The following STAT4 variants were observed in gnomAD, a reference collection of about 807,000 sequenced individuals.
STAT4 encodes the protein signal transducer and activator of transcription 4.
In STAT4, 42 loss-of-function variants were observed where a neutral mutation model predicts 110.5. That is an observed-to-expected ratio of 0.38 (90% CI 0.30 to 0.49). The LOEUF (loss-of-function observed/expected upper bound fraction) is 0.49. Among genes scored for constraint, STAT4 ranks in the 20% least tolerant of loss-of-function variants. The pLI, the probability that STAT4 is intolerant of heterozygous loss-of-function variation, is 0.95. For synonymous variants in STAT4, 284 were observed against 302.2 expected (o/e 0.94, Z 0.63); for missense variants, 632 against 887.9 (o/e 0.71, Z 3.66).
intron 3 of STAT4, among the ~76,000 whole-genome samples, chr2:191,134,999 C>T (rs915360689): frequency 6.7e-6 from 1 of 150,274 alleles, no homozygotes; most frequent in African/African-American, 2.5e-5. Context: ...TCATGCACCT[C>T]AAGTAACTAG....
chr2:191,119,602 C>T (rs187849667), intron 3 of STAT4, among the ~76,000 whole-genome samples: 1 of 151,908 alleles, frequency 6.6e-6, no homozygotes, highest in Non-Finnish European at 1.5e-5. Context: ...ATTTTTTCCC[C>T]AAAATTATCT....
At position 191,043,148 on chromosome 2, in the gene STAT4, G is replaced by C. The variant is rs1008666258; in HGVS notation, c.1252-2000C>G. On this transcript the variant is annotated intron_variant, in intron 14 of 23. Coordinates refer to ENST00000392320, the MANE Select transcript of STAT4 (RefSeq NM_003151.4). This position sits in a 1 kb window ranked among gnomAD's most constrained non-coding sequence, Gnocchi z 4.8. ...CTTTTTAAAAACTATATAAAACAAAGATTACATCAGTGTAACAAGAATAGA... is the reference window on the plus strand; with the variant it reads ...CTTTTTAAAAACTATATAAAACAAACATTACATCAGTGTAACAAGAATAGA... 6.6e-6 allele frequency among the ~76,000 whole-genome samples: 1 copy of C among 152,112 alleles called. No homozygotes were observed. The highest frequency in any genetic ancestry group is 6.5e-5 in the Admixed American group (1 of 15,272).
intron 16 of STAT4, among the ~76,000 whole-genome samples, chr2:191,038,842 A>T (rs1255451027): frequency 6.6e-6 from 1 of 152,214 alleles, no homozygotes; most frequent in Non-Finnish European, 1.5e-5. Context: ...AAGAGACTGC[A>T]TGGACAAGGT....
intron 14 of STAT4, among the ~76,000 whole-genome samples, chr2:191,054,193 A>G (rs2125205914): frequency 7.5e-6 from 1 of 132,920 alleles, no homozygotes; most frequent in East Asian, 2.3e-4. Context: ...GCTATGAAGC[A>G]ATGAGTATCA....
Position 191,042,768 on chromosome 2 carries a change from G to A in STAT4, c.1252-1620C>T, listed in dbSNP as rs149625692. Among the ~76,000 whole-genome samples, 515 of 148,310 alleles carry A rather than the reference G, an allele frequency of 3.5e-3. No homozygotes were observed. The highest frequency in any genetic ancestry group is 6.9e-3 in the Middle Eastern group (2 of 290). ...TAGGTGATGCTTAAATTCATTCATTGTATTCTCTCTTTTTTTTTTTTCTTT... is the reference window on the plus strand; with the variant it reads ...TAGGTGATGCTTAAATTCATTCATTATATTCTCTCTTTTTTTTTTTTCTTT... On this transcript the variant is annotated intron_variant, in intron 14 of 23. Coordinates refer to ENST00000392320, the MANE Select transcript of STAT4 (RefSeq NM_003151.4). This position sits in a 1 kb window ranked among gnomAD's most constrained non-coding sequence, Gnocchi z 4.2.
intron 3 of STAT4, among the ~76,000 whole-genome samples, chr2:191,132,778 G>A (rs1202389930): frequency 2.8e-5 from 4 of 144,412 alleles, no homozygotes; most frequent in Admixed American, 6.9e-5. Context: ...TTTTGGAGAC[G>A]GAGTCTCGCT....
At position 191,090,466 on chromosome 2, in the gene STAT4, A is replaced by T. The variant is rs147528637; in HGVS notation, c.274-14141T>A. 5.3e-5 allele frequency among the ~76,000 whole-genome samples: 5 copies of T among 93,936 alleles called. No individual in the cohort carries two copies. Among genetic ancestry groups the T allele is most frequent in the Admixed American group, 1.4e-4 (1 of 7,368 alleles). The allele number at this position is 93,936 out of a possible 152,430, so 61.6% of individuals were successfully genotyped here. On this transcript the variant is annotated intron_variant, in intron 3 of 23. Coordinates refer to ENST00000392320, the MANE Select transcript of STAT4 (RefSeq NM_003151.4). This position sits in a 1 kb window ranked among gnomAD's most constrained non-coding sequence, Gnocchi z 4.2. The stretch of plus-strand genomic sequence containing the variant: ...TTAACAATGCTCTGTTATTATTTAT[A>T]ATAATAATAATAATACATCTATCTT...
intron 3 of STAT4, among the ~76,000 whole-genome samples, chr2:191,105,752 T>A (rs1386676963): frequency 6.6e-6 from 1 of 152,230 alleles, no homozygotes; most frequent in Admixed American, 6.5e-5. Context: ...AAAAACACAA[T>A]GCTGAATAAA....
chr2:191,105,623 C>T (rs1422789364), intron 3 of STAT4, among the ~76,000 whole-genome samples: 2 of 152,188 alleles, frequency 1.3e-5, no homozygotes, highest in Non-Finnish European at 2.9e-5. Flanking sequence ...ATTTTACCCA[C>T]TAAAGATAAG....
chr2:191,074,712 T>C (rs1697262104), intron 4 of STAT4, among the ~76,000 whole-genome samples: 1 of 152,166 alleles, frequency 6.6e-6, no homozygotes, highest in South Asian at 2.1e-4. Flanking sequence ...AATCAAACTA[T>C]ATGTACTTTA....
chr2:191,122,051 A>T (rs1036841581), intron 3 of STAT4: 2 of 151,804 alleles, frequency 1.3e-5, no homozygotes, highest in African/African-American at 2.4e-5. Context: ...AGCATTCCAT[A>T]TTTTTTTTGT....
At position 191,116,612 on chromosome 2, in the gene STAT4, T is replaced by C. The variant is rs546795286; in HGVS notation, c.273+30001A>G. ...GGGAACAGTCCATCCCACTTAACTT[T>C]CTCGGTTAAAGCAGGACACCACTGA... On this transcript the variant is annotated intron_variant, in intron 3 of 23. Coordinates refer to ENST00000392320, the MANE Select transcript of STAT4 (RefSeq NM_003151.4). This position sits in a 1 kb window ranked among gnomAD's most constrained non-coding sequence, Gnocchi z 4.1. Among the ~76,000 whole-genome samples, 5 of 152,288 alleles carry C rather than the reference T, an allele frequency of 3.3e-5. 1 individual carries two copies. The highest frequency in any genetic ancestry group is 1.2e-4 in the African/African-American group (5 of 41,560).
intron 6 of STAT4, among the ~76,000 whole-genome samples, chr2:191,069,213 T>A (rs1370560851): frequency 6.6e-6 from 1 of 152,126 alleles, no homozygotes; most frequent in Non-Finnish European, 1.5e-5. Flanking sequence ...ACGAGATTTT[T>A]ATTTTTTTAA....
intron 3 of STAT4, among the ~76,000 whole-genome samples, chr2:191,134,981 C>G (rs1699138146): frequency 6.6e-6 from 1 of 150,912 alleles, no homozygotes; most frequent in South Asian, 2.1e-4. Flanking sequence ...GTCAAATAAA[C>G]AATCTAATCA....
At position 191,084,260 on chromosome 2, in the gene STAT4, T is replaced by TAA. The variant is rs71030321; in HGVS notation, c.274-7937_274-7936dup. On this transcript the variant is annotated intron_variant, in intron 3 of 23. Coordinates refer to ENST00000392320, the MANE Select transcript of STAT4 (RefSeq NM_003151.4). Reference sequence around the variant, plus strand: ...CTGGGTGACGGAGCAAGACTCCGTCTAAAAAAAAAAAAAATAGAACTTTTT... The same window carrying TAA: ...CTGGGTGACGGAGCAAGACTCCGTCTAAAAAAAAAAAAAAAATAGAACTTTTT... Among the ~76,000 whole-genome samples, 290 of 142,004 alleles carry TAA rather than the reference T, an allele frequency of 2.0e-3. 2 individuals carry two copies. The highest frequency in any genetic ancestry group is 2.8e-3 in the Non-Finnish European group (182 of 64,616). The allele number at this position is 142,004 out of a possible 152,430, so 93.2% of individuals were successfully genotyped here.
rs539765581 is a variant in STAT4, at chr2:191,043,746, C to T, written c.1252-2598G>A. 6.6e-6 allele frequency among the ~76,000 whole-genome samples: 1 copy of T among 152,204 alleles called. No homozygotes were observed. Among genetic ancestry groups the T allele is most frequent in the South Asian group, 2.1e-4 (1 of 4,826 alleles). The stretch of plus-strand genomic sequence containing the variant: ...CTGTGTATATTTATAGAGCAAAAAA[C>T]TATACAGCGTTGGAATAAATGATCC... On this transcript the variant is annotated intron_variant, in intron 14 of 23. Transcript: ENST00000392320. This position sits in a 1 kb window ranked among gnomAD's most constrained non-coding sequence, Gnocchi z 4.8.
chr2:191,139,296 A>T (rs771804767), intron 3 of STAT4, among the ~76,000 whole-genome samples: 54 of 152,154 alleles, frequency 3.5e-4, no homozygotes, highest in Non-Finnish European at 5.7e-4. Context: ...TTGGAAAAGA[A>T]GAAGTCAAAT....
In STAT4 at chr2:191,146,295, G is replaced by A. The variant is rs1699457750; in HGVS notation, c.273+318C>T. ...TACCTAAGAGACAAAGGCAAGGGAG[G>A]GCTGCTGGAGAGCCGTGAAACTGTG... On this transcript the variant is annotated intron_variant, in intron 3 of 23. Transcript: ENST00000392320. The surrounding 1 kb of genome is among the most constrained non-coding windows in gnomAD (Gnocchi z 4.5). Among the ~76,000 whole-genome samples, 1 of 152,124 alleles carries A rather than the reference G, an allele frequency of 6.6e-6. No homozygotes were observed. Among genetic ancestry groups the A allele is most frequent in the Non-Finnish European group, 1.5e-5 (1 of 68,016 alleles).
intron 4 of STAT4, 70 bp downstream of exon 4, chr2:191,076,157 G>A: frequency 7.7e-7 from 1 of 1,298,872 alleles, no homozygotes; most frequent in South Asian, 1.2e-5. Flanking sequence ...CCCTACCAAA[G>A]ATAATAATTT....
Sources: gnomAD v4.1 joint callset for allele counts (sites outside exome capture counted in the v4.1 genomes callset) on GRCh38, gnomAD v4.1.1 for gene constraint, Gnocchi (gnomAD v3.1) non-coding constraint, MANE v1.5 for transcripts, NCBI Gene and HGNC (gene_info 2026-07-23, HGNC 2026-07-21) for gene names.